The following DMXL2 variants were observed in gnomAD, a reference collection of about 807,000 sequenced individuals.
The protein encoded by DMXL2 is dmX-like protein 2.
In DMXL2, 103 loss-of-function variants were observed where a neutral mutation model predicts 331.1. The observed-to-expected ratio is 0.31, with a 90% confidence interval of 0.27 to 0.37. The LOEUF (loss-of-function observed/expected upper bound fraction) is 0.37, where lower values mean the gene tolerates loss of function less well. Among genes scored for constraint, DMXL2 ranks in the 10% least tolerant of loss-of-function variants. DMXL2 has a pLI of 1.00. For missense variants in DMXL2, 3,171 were observed against 3,642.9 expected (o/e 0.87, Z 3.33); for synonymous variants, 1,281 against 1,252.1 (o/e 1.02, Z -0.49).
chr15:51,528,354 C>T (rs1395702569), intron 13 of DMXL2, among the ~76,000 whole-genome samples: 1 of 151,972 alleles, frequency 6.6e-6, no homozygotes, highest in Non-Finnish European at 1.5e-5. Context: ...TAAAGACACA[C>T]ACAGGCTGAA....
intron 37 of DMXL2, 105 bp downstream of exon 37, chr15:51,457,222 AC>A: frequency 8.6e-7 from 1 of 1,157,036 alleles, no homozygotes; most frequent in Non-Finnish European, 1.2e-6. Flanking sequence ...TGGCCTATCT[AC>A]TGGTGTTTGT....
In DMXL2 at chr15:51,545,596, T is replaced by C. The variant is rs762873092; in HGVS notation, c.917A>G (p.Gln306Arg). ...SHAGRHKDRIQHALETIHHLK... is the reference protein window; with the variant it reads ...SHAGRHKDRIRHALETIHHLK... ...ATAATATAATACCTCAAGAGCATGC[T>C]GTATTCTGTCTTTGTGTCTTCCAGC... The change falls in exon 8 of 44, where the codon CAG becomes CGG. Residue 306 changes from glutamine (Q) to arginine (R), a missense_variant. Transcript: ENST00000560891. The C allele has an allele frequency of 6.2e-7, 1 of 1,613,224 alleles. No individual in the cohort carries two copies. The highest frequency in any genetic ancestry group is 1.1e-5 in the South Asian group (1 of 91,040).
intron 13 of DMXL2, among the ~76,000 whole-genome samples, chr15:51,522,651 AT>A (rs1397901660): frequency 2.0e-5 from 3 of 152,248 alleles, no homozygotes; most frequent in Admixed American, 6.5e-5. Flanking sequence ...TCTCAAAAAA[AT>A]AAAAACATAA....
At chr15:51,540,140 T>C (rs186269756) in intron 9 of DMXL2, among the ~76,000 whole-genome samples, 82 of 152,314 alleles carry the variant, frequency 5.4e-4, no homozygotes, top group African/African-American at 1.9e-3. Flanking sequence ...TTAACAAATA[T>C]TCAGACTGTG....
Position 51,458,487 on chromosome 15 carries a change from A to C in DMXL2, c.8198+19T>G. 6.2e-7 allele frequency: 1 copy of C among 1,610,886 alleles called. No individual in the cohort carries two copies. The highest frequency in any genetic ancestry group is 1.1e-5 in the South Asian group (1 of 90,658). On this transcript the variant is annotated intron_variant, in intron 36 of 43. Transcript: ENST00000560891. ...ACTTCTTACAGAAAACTATATGTAA[A>C]AGTGACTATGAGACAAACCTTTTGG...
intron 13 of DMXL2, among the ~76,000 whole-genome samples, chr15:51,531,994 C>T (rs937916901): frequency 6.6e-6 from 1 of 152,070 alleles, no homozygotes; most frequent in Non-Finnish European, 1.5e-5. Flanking sequence ...ATAGACCTAC[C>T]ATACAATCCA....
intron 1 of DMXL2, among the ~76,000 whole-genome samples, chr15:51,591,380 G>C (rs1595656691): frequency 1.3e-5 from 2 of 152,292 alleles, no homozygotes; most frequent in South Asian, 4.1e-4. Context: ...CAGTGCGGCT[G>C]GGGGAGGGGC....
chr15:51,480,119 G>A lies in DMXL2; in HGVS notation c.6585C>T (p.Leu2195=). The A allele has an allele frequency of 6.4e-7, 1 of 1,561,700 alleles. No homozygotes were observed. Among genetic ancestry groups the A allele is most frequent in the Non-Finnish European group, 8.7e-7 (1 of 1,145,730 alleles). ...TGGTAGGCAGTGGTAGTGGAGACTG[G>A]AGCTGCTTTACTGTAGTTTCCTGTG... ...ESQQETTVKQ[L]QSPLPLPTTL... Residue 2195 remains leucine (L), a synonymous_variant, in exon 25 of 44, where the codon CTC becomes CTT. Coordinates refer to ENST00000560891, the MANE Select transcript of DMXL2 (RefSeq NM_001378457.1).
At chr15:51,619,655 G>T (rs550666604) in intron 1 of DMXL2, among the ~76,000 whole-genome samples, 1 of 152,090 alleles carries the variant, frequency 6.6e-6, no homozygotes, top group Non-Finnish European at 1.5e-5. Context: ...GAACAATTCT[G>T]TTCTTCAAAG....
intron 11 of DMXL2, among the ~76,000 whole-genome samples, chr15:51,537,182 T>C (rs191628026): frequency 4.9e-4 from 75 of 152,320 alleles, no homozygotes; most frequent in African/African-American, 1.6e-3. Flanking sequence ...GAGGAGCTCA[T>C]CCTGATTCAC....
At chr15:51,542,706 A>C (rs1245974884) in intron 8 of DMXL2, among the ~76,000 whole-genome samples, 199 bp from the exon 9 acceptor site, 1 of 152,148 alleles carries the variant, frequency 6.6e-6, no homozygotes, top group Non-Finnish European at 1.5e-5. Flanking sequence ...TCAAGGCAAA[A>C]AGCAGTGTGC....
At chr15:51,478,476 C>A in intron 25 of DMXL2, 129 bp from the exon 26 acceptor site, 1 of 706,522 alleles carries the variant, frequency 1.4e-6, no homozygotes. Flanking sequence ...GATGAGACTA[C>A]TAACTCTGCT....
At chr15:51,466,590 TTTC>T (rs1202431903) in intron 29 of DMXL2, 1 of 152,772 alleles carries the variant, frequency 6.5e-6, no homozygotes, top group East Asian at 1.9e-4. Flanking sequence ...AATCAATAGT[TTTC>T]TTCTTATAGA....
intron 13 of DMXL2, among the ~76,000 whole-genome samples, chr15:51,533,488 C>T (rs1160277482): frequency 6.6e-6 from 1 of 152,036 alleles, no homozygotes; most frequent in Admixed American, 6.6e-5. Flanking sequence ...AGAATGACAT[C>T]AATAGCAAAA....
At position 51,537,775 on chromosome 15, in the gene DMXL2, T is replaced by C. The variant is rs775803317; in HGVS notation, c.1346-16A>G. 3.1e-6 allele frequency: 5 copies of C among 1,604,642 alleles called. No individual in the cohort carries two copies. In the South Asian group the frequency reaches 3.3e-5, roughly 11 times the overall value. ...AGGGATAAATCTGAACCAGAAAATA[T>C]ATTTATCAATACAAGCATTAAATAA... On this transcript the variant is annotated splice_polypyrimidine_tract_variant and intron_variant, in intron 10 of 43. Transcript: ENST00000560891.
intron 27 of DMXL2, among the ~76,000 whole-genome samples, chr15:51,475,335 T>C (rs1405987156): frequency 2.0e-5 from 3 of 151,970 alleles, no homozygotes; most frequent in Non-Finnish European, 4.4e-5. Flanking sequence ...TTACTAAAAA[T>C]ACAAAATAAT....
intron 2 of DMXL2, among the ~76,000 whole-genome samples, chr15:51,570,885 C>T (rs904475595): frequency 2.6e-5 from 4 of 152,062 alleles, no homozygotes; most frequent in Non-Finnish European, 4.4e-5. Context: ...AATTAACAGG[C>T]GAAATAACCA....
intron 1 of DMXL2, among the ~76,000 whole-genome samples, chr15:51,604,054 T>C (rs1226005020): frequency 1.3e-5 from 2 of 151,886 alleles, no homozygotes; most frequent in African/African-American, 4.8e-5. Context: ...AACAATAATA[T>C]ACCATAACGA....
intron 28 of DMXL2, 31 bp downstream of exon 28, chr15:51,474,305 TAACATTTA>T (rs1566997739): frequency 6.5e-7 from 1 of 1,529,944 alleles, no homozygotes; most frequent in Middle Eastern, 1.8e-4. Context: ...TCAAAATGAT[TAACATTTA>T]CATACATTAC....
Sources: gnomAD v4.1 joint callset for allele counts (sites outside exome capture counted in the v4.1 genomes callset) on GRCh38, gnomAD v4.1.1 for gene constraint, MANE v1.5 for transcripts, NCBI Gene and HGNC (gene_info 2026-07-23, HGNC 2026-07-21) for gene names.